The following DSCAM variants were observed in gnomAD, a reference collection of about 807,000 sequenced individuals.
DSCAM encodes DS cell adhesion molecule, also known as cell adhesion molecule DSCAM.
A neutral mutation model predicts 217.7 loss-of-function variants in DSCAM; 47 were observed. That is an observed-to-expected ratio of 0.22 (90% CI 0.17 to 0.28). DSCAM has a LOEUF of 0.28. Among genes scored for constraint, DSCAM ranks in the 10% least tolerant of loss-of-function variants. The probability of loss-of-function intolerance (pLI) is 1.00; values close to 1 mark genes in which losing one functional copy is unlikely to be tolerated. For synonymous variants in DSCAM, 1,056 were observed against 1,015.3 expected (o/e 1.04, Z -0.76); for missense variants, 2,080 against 2,618.3 (o/e 0.79, Z 4.49).
chr21:40,593,548 G>T (rs975760655), intron 3 of DSCAM, among the ~76,000 whole-genome samples: 3 of 152,120 alleles, frequency 2.0e-5, no homozygotes, highest in African/African-American at 7.2e-5. Flanking sequence ...GGTGAAACCA[G>T]TTGGCCAAGC....
At chr21:40,274,490 A>C (rs993113450) in intron 11 of DSCAM, among the ~76,000 whole-genome samples, 16 of 152,192 alleles carry the variant, frequency 1.1e-4, no homozygotes, top group African/African-American at 3.6e-4. Flanking sequence ...ATATGTGTTT[A>C]TGGACTAAAA....
In DSCAM at chr21:40,281,924, C is replaced by G. The variant is rs937478882; in HGVS notation, c.2183-5654G>C. Among the ~76,000 whole-genome samples, 3 of 151,876 alleles carry G rather than the reference C, an allele frequency of 2.0e-5. No individual in the cohort carries two copies. In the South Asian group the frequency reaches 6.2e-4, roughly 31 times the overall value. On this transcript the variant is annotated intron_variant, in intron 10 of 32. Coordinates refer to ENST00000400454, the MANE Select transcript of DSCAM (RefSeq NM_001389.5). ...TATTTTACAAAACTCTTTTTTTGTT[C>G]TCGTTGCTTCAATCAGAAGAGGATG...
intron 11 of DSCAM, among the ~76,000 whole-genome samples, chr21:40,191,160 T>C (rs1286486772): frequency 6.6e-6 from 1 of 152,196 alleles, no homozygotes; most frequent in East Asian, 1.9e-4. Flanking sequence ...GGTCATGTCT[T>C]TTCCCATGGC....
intron 32 of DSCAM, among the ~76,000 whole-genome samples, chr21:40,020,521 G>A (rs1419549749): frequency 2.7e-5 from 4 of 150,404 alleles, no homozygotes; most frequent in Admixed American, 6.9e-5. Flanking sequence ...TGTGGTGTGT[G>A]TGTGTGTGTG....
chr21:40,670,911 C>T (rs35561044), intron 3 of DSCAM, among the ~76,000 whole-genome samples: 1 of 152,066 alleles, frequency 6.6e-6, no homozygotes, highest in Admixed American at 6.6e-5. Context: ...AAACAGAAGA[C>T]AAGCCAAATG....
chr21:40,508,034 A>G (rs1444725250), intron 3 of DSCAM, among the ~76,000 whole-genome samples: 1 of 152,118 alleles, frequency 6.6e-6, no homozygotes, highest in African/African-American at 2.4e-5. Flanking sequence ...TTATTTTCCT[A>G]AGTGGAGCCA....
intron 21 of DSCAM, 145 bp downstream of exon 21, chr21:40,093,576 A>C (rs1233299050): frequency 1.0e-6 from 1 of 985,734 alleles, no homozygotes; most frequent in African/African-American, 1.7e-5. Context: ...AGAGCTTGTT[A>C]GCCACAACCC....
intron 1 of DSCAM, among the ~76,000 whole-genome samples, chr21:40,728,955 C>A (rs571480744): frequency 6.4e-4 from 97 of 152,000 alleles, no homozygotes; most frequent in Non-Finnish European, 5.4e-4. Flanking sequence ...AGTGGTAATG[C>A]ATCTACACGT....
chr21:40,531,374 C>T (rs2076445560), intron 3 of DSCAM, among the ~76,000 whole-genome samples: 1 of 152,222 alleles, frequency 6.6e-6, no homozygotes, highest in South Asian at 2.1e-4. Context: ...TTTACCTGTC[C>T]TTTCTTATAG....
intron 3 of DSCAM, among the ~76,000 whole-genome samples, chr21:40,597,749 T>C (rs891422761): frequency 6.6e-6 from 1 of 152,056 alleles, no homozygotes; most frequent in African/African-American, 2.4e-5. Flanking sequence ...TGACCTCAGG[T>C]GATCCATCCG....
chr21:40,794,848 G>A (rs1450084713), intron 1 of DSCAM, among the ~76,000 whole-genome samples: 2 of 145,166 alleles, frequency 1.4e-5, no homozygotes, highest in East Asian at 2.1e-4. Flanking sequence ...GTCCAAAATT[G>A]CCTGGACTGA....
intron 3 of DSCAM, among the ~76,000 whole-genome samples, chr21:40,524,555 T>G (rs1031716301): frequency 6.6e-6 from 1 of 152,058 alleles, no homozygotes; most frequent in African/African-American, 2.4e-5. Context: ...CAATACAAAC[T>G]CTTGGTACAC....
At chr21:40,424,859 C>T (rs559987208) in intron 3 of DSCAM, among the ~76,000 whole-genome samples, 2 of 152,132 alleles carry the variant, frequency 1.3e-5, no homozygotes, top group South Asian at 2.1e-4. Flanking sequence ...TTTGGGAGGA[C>T]AAGGTGGGCA....
chr21:40,021,223 A>AAG (rs1555860696), intron 32 of DSCAM, among the ~76,000 whole-genome samples: 2 of 151,496 alleles, frequency 1.3e-5, no homozygotes, highest in Admixed American at 6.6e-5. Flanking sequence ...AAAAAAAAAA[A>AAG]AAAGAAAAGA....
intron 1 of DSCAM, among the ~76,000 whole-genome samples, chr21:40,832,468 T>G (rs2092019618): frequency 6.6e-6 from 1 of 152,146 alleles, no homozygotes; most frequent in African/African-American, 2.4e-5. Flanking sequence ...TTACACAATA[T>G]TCGAAGGGGT....
chr21:40,535,454 C>T (rs750653625), intron 3 of DSCAM, among the ~76,000 whole-genome samples: 1 of 152,192 alleles, frequency 6.6e-6, no homozygotes, highest in Non-Finnish European at 1.5e-5. Flanking sequence ...AACTTTCATT[C>T]AGCCTTTACC....
In DSCAM at chr21:40,011,077, G is replaced by C. The variant is rs1482019199; in HGVS notation, c.*1957C>G. 6.6e-6 allele frequency: 1 copy of C among 152,066 alleles called. No homozygotes were observed. Among genetic ancestry groups the C allele is most frequent in the Non-Finnish European group, 1.5e-5 (1 of 68,014 alleles). 9.4% of individuals were successfully genotyped at this position (152,066 alleles called of 1,614,324 possible). A position where few individuals can be genotyped will look rare whatever the true frequency, so the allele number is the denominator to read the frequency against. On this transcript the variant is annotated 3_prime_UTR_variant, in exon 33 of 33. Transcript: ENST00000400454. The stretch of plus-strand genomic sequence containing the variant: ...TAAACTTCTATGTTTGGGGGATATA[G>C]AAGTTTTAGGTTGATGAAAGATAGA...
chr21:40,787,533 A>G (rs905187126), intron 1 of DSCAM, among the ~76,000 whole-genome samples: 5 of 152,176 alleles, frequency 3.3e-5, no homozygotes, highest in East Asian at 1.9e-4. Context: ...ATTGTTTACA[A>G]TTGAACAGTG....
At chr21:40,030,041 TACACATGCATGGACACATATATGTTGAC>T (rs2088488652) in intron 32 of DSCAM, among the ~76,000 whole-genome samples, 1 of 152,214 alleles carries the variant, frequency 6.6e-6, no homozygotes, top group Non-Finnish European at 1.5e-5. Context: ...CACACACAAG[TACACATGCATGGACACATATATGTTGAC>T]ACACATGCAC....
Sources: gnomAD v4.1 joint callset for allele counts (sites outside exome capture counted in the v4.1 genomes callset) on GRCh38, gnomAD v4.1.1 for gene constraint, MANE v1.5 for transcripts, NCBI Gene and HGNC (gene_info 2026-07-23, HGNC 2026-07-21) for gene names.